The following LYPLA1 variants were observed in gnomAD, a reference collection of about 807,000 sequenced individuals.
LYPLA1 encodes lysophospholipase 1, also known as acyl-protein thioesterase 1.
Under a neutral mutation model 34.0 loss-of-function variants are expected in LYPLA1, and 17 were observed. The ratio of observed to expected loss-of-function variants is 0.50; its 90% CI spans 0.34 to 0.75. The LOEUF (loss-of-function observed/expected upper bound fraction) is 0.75. Ranked by LOEUF, LYPLA1 falls within the 30% of genes least tolerant of loss-of-function variation. The pLI is 0.01. For synonymous variants in LYPLA1, 98 were observed against 100.8 expected, an observed-to-expected ratio of 0.97 and a Z score of 0.17; for missense variants, 203 against 288.8, an observed-to-expected ratio of 0.70 and a Z score of 2.15.
chr8:54,098,444 C>T (rs538558947), intron 2 of LYPLA1, among the ~76,000 whole-genome samples: 39 of 152,092 alleles, frequency 2.6e-4, no homozygotes, highest in Non-Finnish European at 4.9e-4. Context: ...TGCGGGAGGC[C>T]GAGGTGGGTG....
In LYPLA1 at chr8:54,055,805, G is replaced by A. The variant is rs548597529; in HGVS notation, c.287-672C>T. Among the ~76,000 whole-genome samples the A allele has an allele frequency of 5.0e-4, 76 of 151,914 alleles. 1 individual carries two copies. Among genetic ancestry groups the A allele is most frequent in the Admixed American group, 1.6e-3 (25 of 15,242 alleles). ...ACTACGGGTGCCCACCACCATGCCC[G>A]GCTAATTTTTTGTATTTTTAGTAGA... is the stretch of plus-strand genomic sequence containing the variant. On this transcript the variant is annotated intron_variant, in intron 5 of 8. Coordinates refer to ENST00000316963, the MANE Select transcript of LYPLA1 (RefSeq NM_006330.4).
intron 2 of LYPLA1, among the ~76,000 whole-genome samples, chr8:54,068,055 T>C (rs1807205620): frequency 6.6e-6 from 1 of 152,144 alleles, no homozygotes; most frequent in Non-Finnish European, 1.5e-5. Flanking sequence ...GTTAAAGACA[T>C]ATAAAAAGAT....
intron 2 of LYPLA1, among the ~76,000 whole-genome samples, chr8:54,098,713 G>C (rs1003891034): frequency 1.3e-5 from 2 of 151,980 alleles, no homozygotes; most frequent in Non-Finnish European, 2.9e-5. Flanking sequence ...AAAAAAGAAT[G>C]GTGTACAATT....
At chr8:54,075,742 T>C (rs1791348422) in intron 2 of LYPLA1, among the ~76,000 whole-genome samples, 1 of 152,214 alleles carries the variant, frequency 6.6e-6, no homozygotes, top group Admixed American at 6.5e-5. Context: ...CAGTTACATA[T>C]GCTTTCTGAT....
chr8:54,061,003 A>G (rs768763863), intron 5 of LYPLA1, among the ~76,000 whole-genome samples: 1 of 149,472 alleles, frequency 6.7e-6, no homozygotes, highest in Non-Finnish European at 1.5e-5. Context: ...CCACATTTTC[A>G]CTGTTTCTTA....
At chr8:54,093,137 G>A (rs926213106) in intron 2 of LYPLA1, among the ~76,000 whole-genome samples, 8 of 152,176 alleles carry the variant, frequency 5.3e-5, no homozygotes, top group South Asian at 2.1e-4. Flanking sequence ...TGGATAACAC[G>A]AGTGTGTCCA....
chr8:54,079,572 T>C (rs916297802), intron 2 of LYPLA1, among the ~76,000 whole-genome samples: 1 of 151,832 alleles, frequency 6.6e-6, no homozygotes, highest in African/African-American at 2.4e-5. Context: ...GGAGGCTGAG[T>C]TGGGCGGATC....
chr8:54,053,077 G>A (rs1485916215), intron 6 of LYPLA1: 1 of 244,918 alleles, frequency 4.1e-6, no homozygotes, highest in African/African-American at 2.3e-5. Context: ...AATCCAATCT[G>A]CTCTTAAATT....
intron 2 of LYPLA1, among the ~76,000 whole-genome samples, chr8:54,094,161 T>C (rs531971811): frequency 6.6e-6 from 1 of 152,336 alleles, no homozygotes; most frequent in East Asian, 1.9e-4. Flanking sequence ...ACTTTTATAA[T>C]CTCCTTGGTC....
chr8:54,095,192 T>G (rs1809592615), intron 2 of LYPLA1, among the ~76,000 whole-genome samples: 1 of 152,144 alleles, frequency 6.6e-6, no homozygotes, highest in Non-Finnish European at 1.5e-5. Flanking sequence ...AGACGAGGTT[T>G]CGTCATGTTG....
chr8:54,091,836 C>T lies in LYPLA1; in HGVS notation c.101+9072G>A, dbSNP rs183953131. Among the ~76,000 whole-genome samples the T allele has an allele frequency of 1.8e-4, 28 of 152,276 alleles. No homozygotes were observed. The East Asian group carries it at 5.2e-3, about 28-fold the overall frequency. On this transcript the variant is annotated intron_variant, in intron 2 of 8. Coordinates refer to ENST00000316963, the MANE Select transcript of LYPLA1 (RefSeq NM_006330.4). Reference sequence around the variant, plus strand: ...AGGCACACTGGCTCATGCCTGTAATCCCAGCACTTTGGGAGGCCCAGATGG... The same window carrying T: ...AGGCACACTGGCTCATGCCTGTAATTCCAGCACTTTGGGAGGCCCAGATGG...
rs1003182756 is a variant in LYPLA1 at position 54,095,891 on chromosome 8, A to G, written c.101+5017T>C. Among the ~76,000 whole-genome samples the G allele has an allele frequency of 7.2e-5, 11 of 152,328 alleles. No homozygotes were observed. The South Asian group carries it at 1.4e-3, about 20-fold the overall frequency. On this transcript the variant is annotated intron_variant, in intron 2 of 8. Coordinates refer to ENST00000316963, the MANE Select transcript of LYPLA1 (RefSeq NM_006330.4). ...CGGCCTGTATTCTTGACAAAGTGTC[A>G]AGGTCATGAAAGACAAGGACTGTTT...
chr8:54,091,307 G>A (rs1452116615), intron 2 of LYPLA1, among the ~76,000 whole-genome samples: 2 of 151,922 alleles, frequency 1.3e-5, no homozygotes, highest in African/African-American at 4.8e-5. Flanking sequence ...GGCCAACACG[G>A]TGAAACCCTG....
In LYPLA1 at chr8:54,101,792, G is replaced by A. The variant is rs1810183556; in HGVS notation, c.32C>T (p.Pro11Leu). MCGNNMSTPLPAIVPAARKAT... is the reference protein window; with the variant it reads MCGNNMSTPLLAIVPAARKAT... ...CTTCCGGGCGGCGGGCACGATGGCGGGCAGCGGGGTTGACATGTTATTGCC... is the reference window on the plus strand; with the variant it reads ...CTTCCGGGCGGCGGGCACGATGGCGAGCAGCGGGGTTGACATGTTATTGCC... Residue 11 changes from proline (P) to leucine (L), a missense_variant, in exon 1 of 9, where the codon CCC becomes CTC. By Grantham distance (98) the Pro-to-Leu change is moderately conservative. Around this residue, in one of 3 missense-constraint regions of LYPLA1, gnomAD observed 5 missense variants for 16.1 expected, o/e 0.31. Coordinates refer to ENST00000316963, the MANE Select transcript of LYPLA1 (RefSeq NM_006330.4). 5 of 1,296,044 alleles carry A rather than the reference G, an allele frequency of 3.9e-6. No homozygotes were observed. The highest frequency in any genetic ancestry group is 3.0e-5 in the South Asian group (1 of 33,794). The allele number at this position is 1,296,044 out of a possible 1,614,324, so 80.3% of individuals were successfully genotyped here. A position where few individuals can be genotyped will look rare whatever the true frequency, so the allele number is the denominator to read the frequency against.
chr8:54,053,110 T>TTC, intron 6 of LYPLA1: 1 of 189,460 alleles, frequency 5.3e-6, no homozygotes, highest in Non-Finnish European at 1.1e-5. Flanking sequence ...TTTTTTTTTT[T>TTC]TGAGATGGAG....
intron 2 of LYPLA1, among the ~76,000 whole-genome samples, chr8:54,083,835 T>C (rs2129353284): frequency 6.6e-6 from 1 of 152,250 alleles, no homozygotes; most frequent in Non-Finnish European, 1.5e-5. Flanking sequence ...TAGACATCTG[T>C]GTTTAAAAAT....
chr8:54,055,646 T>A (rs1563569684), intron 5 of LYPLA1, among the ~76,000 whole-genome samples: 1 of 108,506 alleles, frequency 9.2e-6, no homozygotes, highest in African/African-American at 7.1e-5. Context: ...ATCCTAATTA[T>A]TTTTTTTTTT....
In LYPLA1 at chr8:54,048,133, GTAATT is replaced by G. The variant is rs773485589; in HGVS notation, c.640-20_640-16del. On this transcript the variant is annotated splice_polypyrimidine_tract_variant and intron_variant, in intron 8 of 8. Transcript: ENST00000316963. ...TCCATCATTTCCTGTTTGGAATAAA[GTAATT>G]TAATAGGTAGGTAGTTATGTAAGTC... The G allele has an allele frequency of 4.5e-5, 70 of 1,550,720 alleles. No individual in the cohort carries two copies. Among genetic ancestry groups the G allele is most frequent in the Non-Finnish European group, 5.7e-5 (64 of 1,123,436 alleles).
At position 54,065,763 on chromosome 8, in the gene LYPLA1, T is replaced by C. The variant is rs774898527; in HGVS notation, c.152A>G (p.Tyr51Cys). 1.9e-6 allele frequency: 3 copies of C among 1,613,812 alleles called. No homozygotes were observed. The highest frequency in any genetic ancestry group is 2.5e-6 in the Non-Finnish European group (3 of 1,179,822). Residue 51 changes from tyrosine to cysteine, a missense_variant, in exon 3 of 9, where the codon TAT becomes TGT. Around this residue, in one of 3 missense-constraint regions of LYPLA1, gnomAD observed 75 missense variants for 73.5 expected, o/e 1.02. Coordinates refer to ENST00000316963, the MANE Select transcript of LYPLA1 (RefSeq NM_006330.4). ...AAATACTCACGCATGCGGGCAGATA[T>C]ATTTGATATGTGAACTTCTGATACC... ...FAGIRSSHIKYICPHAPVRPV... is the reference protein window; with the variant it reads ...FAGIRSSHIKCICPHAPVRPV...
Sources: allele counts gnomAD v4.1 joint callset (sites outside exome capture counted in the v4.1 genomes callset), GRCh38; gene constraint gnomAD v4.1.1; regional missense constraint gnomAD v4.1.1; transcripts MANE v1.5; gene names NCBI Gene and HGNC (gene_info 2026-07-23, HGNC 2026-07-21).